ZFP1: variants seen among roughly 807,000 people sequenced by gnomAD.
ZFP1 encodes ZFP1 zinc finger protein, also known as zinc finger protein 1 homolog.
Under a neutral mutation model 38.5 loss-of-function variants are expected in ZFP1, and 32 were observed. The observed-to-expected ratio is 0.83, with a 90% CI of 0.63 to 1.12. The LOEUF (loss-of-function observed/expected upper bound fraction) is 1.12, where lower values mean the gene tolerates loss of function less well. ZFP1 is among the 50% of genes most tolerant of loss of function. The pLI is 0.00. For synonymous variants in ZFP1, 245 were observed against 168.8 expected, an observed-to-expected ratio of 1.45 and a Z score of -3.50; for missense variants, 616 against 480.8, an observed-to-expected ratio of 1.28 and a Z score of -2.63.
chr16:75,151,719 A>G (rs1312001225), intron 1 of ZFP1, among the ~76,000 whole-genome samples: 2 of 152,162 alleles, frequency 1.3e-5, no homozygotes, highest in Non-Finnish European at 2.9e-5. Flanking sequence ...AATCTTTCAC[A>G]GTGATTAAAA....
chr16:75,131,476 C>T, the ZFP1 span, among the ~76,000 whole-genome samples: 65,576 of 151,882 alleles, frequency 0.43, 14,696 homozygotes, highest in Middle Eastern at 0.55. Flanking sequence ...AGAAGCATCA[C>T]GTTGCTAACA....
chr16:75,163,730 A>C (rs1413725158), intron 2 of ZFP1, among the ~76,000 whole-genome samples: 1 of 150,136 alleles, frequency 6.7e-6, no homozygotes, highest in African/African-American at 2.5e-5. Context: ...TCCTACCTGA[A>C]CCTCCCACAT....
chr16:75,150,549 T>C, intron 1 of ZFP1, among the ~76,000 whole-genome samples: 1 of 152,162 alleles, frequency 6.6e-6, no homozygotes, highest in Non-Finnish European at 1.5e-5. Flanking sequence ...ATTTATAGTT[T>C]AATTCTGATT....
chr16:75,157,387 G>C (rs1451899653), intron 2 of ZFP1, among the ~76,000 whole-genome samples: 2 of 151,690 alleles, frequency 1.3e-5, no homozygotes, highest in African/African-American at 2.4e-5. Flanking sequence ...GTGATTACAG[G>C]TGTGTGCCAC....
At chr16:75,162,225 C>T (rs8056670) in intron 2 of ZFP1, among the ~76,000 whole-genome samples, 2 of 152,000 alleles carry the variant, frequency 1.3e-5, no homozygotes, top group Non-Finnish European at 2.9e-5. Flanking sequence ...TTGGCTCAAG[C>T]AATCCTCCCA....
At chr16:75,166,934 A>G (rs371827111) in intron 3 of ZFP1, 38 bp downstream of exon 3, 13 of 1,593,372 alleles carry the variant, frequency 8.2e-6, no homozygotes, top group Middle Eastern at 1.7e-4. Context: ...CCATGTGCCT[A>G]GAGGTATTTA....
the ZFP1 span, among the ~76,000 whole-genome samples, chr16:75,123,880 A>G: frequency 6.6e-6 from 1 of 151,884 alleles, no homozygotes; most frequent in South Asian, 2.1e-4. Flanking sequence ...TCACAAGGTC[A>G]GGAAATCAAG....
the ZFP1 span, among the ~76,000 whole-genome samples, chr16:75,140,917 C>G: frequency 6.6e-6 from 1 of 151,992 alleles, no homozygotes; most frequent in Non-Finnish European, 1.5e-5. Context: ...CGAGATCGCA[C>G]CACTGCACTC....
chr16:75,167,985 C>A (rs1056118309), intron 3 of ZFP1, among the ~76,000 whole-genome samples: 2 of 151,956 alleles, frequency 1.3e-5, no homozygotes, highest in African/African-American at 4.8e-5. Context: ...CCCAGCTACT[C>A]GGGAGACGGA....
upstream of ZFP1, among the ~76,000 whole-genome samples, chr16:75,147,115 C>G (rs2036960697): frequency 6.6e-6 from 1 of 152,016 alleles, no homozygotes; most frequent in African/African-American, 2.4e-5. Flanking sequence ...TCAGAGATTT[C>G]CAGGGGTTGT....
intron 2 of ZFP1, among the ~76,000 whole-genome samples, chr16:75,165,586 G>A (rs557329050): frequency 7.2e-5 from 11 of 151,984 alleles, no homozygotes; most frequent in Non-Finnish European, 1.3e-4. Flanking sequence ...GTAGAGATGG[G>A]GTTTCACCAT....
intron 2 of ZFP1, among the ~76,000 whole-genome samples, chr16:75,164,903 T>TCAAGCGATTCTCCTGCCTC (rs1021240053): frequency 6.6e-6 from 1 of 152,136 alleles, no homozygotes; most frequent in East Asian, 1.9e-4. Flanking sequence ...CTTCCTGGGT[T>TCAAGCGATTCTCCTGCCTC]CAAGCGATTC....
chr16:75,139,671 C>T, the ZFP1 span, among the ~76,000 whole-genome samples: 6 of 152,014 alleles, frequency 3.9e-5, no homozygotes, highest in African/African-American at 1.4e-4. Flanking sequence ...CCAGGAGATC[C>T]CTCTTGATAA....
At chr16:75,125,323 G>C in the ZFP1 span, among the ~76,000 whole-genome samples, 1 of 152,010 alleles carries the variant, frequency 6.6e-6, no homozygotes, top group South Asian at 2.1e-4. Flanking sequence ...ACTTTTGTTT[G>C]TTTGTTTGTT....
chr16:75,122,403 G>A, the ZFP1 span, among the ~76,000 whole-genome samples: 2 of 152,200 alleles, frequency 1.3e-5, no homozygotes, highest in Non-Finnish European at 2.9e-5. Context: ...GAGTGACTCA[G>A]GTCAAAGCAG....
At chr16:75,147,573 C>T (rs898897083), upstream of ZFP1, among the ~76,000 whole-genome samples, 2 of 152,026 alleles carry the variant, frequency 1.3e-5, no homozygotes, top group Non-Finnish European at 2.9e-5. Context: ...AGGTGTGAGC[C>T]ACTGAGCCTG....
chr16:75,160,675 AGG>A (rs1368517280), intron 2 of ZFP1, among the ~76,000 whole-genome samples: 1 of 139,646 alleles, frequency 7.2e-6, no homozygotes. Context: ...AAAAAAAAAA[AGG>A]AAGAAATTTA....
the ZFP1 span, among the ~76,000 whole-genome samples, chr16:75,124,955 G>T: frequency 6.6e-6 from 1 of 150,538 alleles, no homozygotes; most frequent in South Asian, 2.1e-4. Flanking sequence ...AAGTAAAATG[G>T]CTGGTAGTTT....
chr16:75,146,291 T>C (rs1468998949), upstream of ZFP1, among the ~76,000 whole-genome samples: 1 of 152,134 alleles, frequency 6.6e-6, no homozygotes, highest in East Asian at 1.9e-4. Flanking sequence ...GCCTCCCAAG[T>C]AGCCGAGGCT....
Sources: allele counts gnomAD v4.1 joint callset (sites outside exome capture counted in the v4.1 genomes callset), GRCh38; gene constraint gnomAD v4.1.1; transcripts MANE v1.5; gene names NCBI Gene and HGNC (gene_info 2026-07-23, HGNC 2026-07-21).